The following SGCD variants were observed in gnomAD, a reference collection of about 807,000 sequenced individuals.
SGCD encodes the protein delta-sarcoglycan.
In SGCD, 18 loss-of-function variants were observed where a neutral mutation model predicts 36.6. The observed-to-expected ratio is 0.49, with a 90% CI of 0.34 to 0.73. SGCD has a LOEUF of 0.73. Among genes scored for constraint, SGCD ranks in the 30% least tolerant of loss-of-function variants. The probability of loss-of-function intolerance (pLI) is 0.01; values close to 1 mark genes in which losing one functional copy is unlikely to be tolerated. For synonymous variants in SGCD, 133 were observed against 130.6 expected, an observed-to-expected ratio of 1.02 and a Z score of -0.12; for missense variants, 387 against 346.7, an observed-to-expected ratio of 1.12 and a Z score of -0.92.
chr5:155,816,434 G>A, the SGCD span, among the ~76,000 whole-genome samples: 8 of 152,170 alleles, frequency 5.3e-5, no homozygotes, highest in Non-Finnish European at 1.0e-4. Context: ...TTATTAAGTG[G>A]CAGTGTATCA....
At chr5:156,035,500 C>G (rs547894302) in intron 1 of SGCD, among the ~76,000 whole-genome samples, 3 of 152,196 alleles carry the variant, frequency 2.0e-5, no homozygotes, top group African/African-American at 7.2e-5. Context: ...TTTGCAGTTA[C>G]TCAGGAGGCT....
chr5:156,176,282 G>A (rs1380037584), intron 3 of SGCD, among the ~76,000 whole-genome samples: 1 of 152,012 alleles, frequency 6.6e-6, no homozygotes, highest in Non-Finnish European at 1.5e-5. Context: ...ATTTTAATAT[G>A]CCAGAGTCAA....
chr5:156,364,573 C>T (rs1769989376), intron 3 of SGCD, among the ~76,000 whole-genome samples: 1 of 152,154 alleles, frequency 6.6e-6, no homozygotes, highest in Admixed American at 6.5e-5. Flanking sequence ...GTGTGACTTT[C>T]AAGGAATCTT....
chr5:156,350,573 A>G (rs1769201185), intron 3 of SGCD, among the ~76,000 whole-genome samples: 1 of 152,064 alleles, frequency 6.6e-6, no homozygotes, highest in Non-Finnish European at 1.5e-5. Context: ...TCTTTGTCTC[A>G]GAGGTAAATC....
chr5:156,337,172 A>G lies in SGCD; in HGVS notation c.4-7317A>G, dbSNP rs76706215. Among the ~76,000 whole-genome samples, 382 of 152,338 alleles carry G rather than the reference A, an allele frequency of 2.5e-3. 1 individual carries two copies. The highest frequency in any genetic ancestry group is 8.4e-3 in the African/African-American group (348 of 41,580). On this transcript the variant is annotated intron_variant, in intron 2 of 8. Coordinates refer to ENST00000337851, the MANE Select transcript of SGCD (RefSeq NM_000337.6). ...AATGGATTTCTATTTCTGTACCAGGATGATTCAAAATGGCTTAGATTCCAC... is the reference window on the plus strand; with the variant it reads ...AATGGATTTCTATTTCTGTACCAGGGTGATTCAAAATGGCTTAGATTCCAC...
At chr5:156,361,799 T>C (rs763337064) in intron 3 of SGCD, among the ~76,000 whole-genome samples, 5 of 152,210 alleles carry the variant, frequency 3.3e-5, no homozygotes, top group Non-Finnish European at 1.5e-5. Flanking sequence ...CTATAGCTAT[T>C]CTGGTGCATG....
intron 3 of SGCD, among the ~76,000 whole-genome samples, chr5:156,472,191 T>C (rs535878470): frequency 3.9e-5 from 6 of 152,300 alleles, no homozygotes; most frequent in Admixed American, 2.6e-4. Flanking sequence ...TGGAGAATTG[T>C]TTGGAATTTT....
chr5:156,203,005 C>T (rs948894845), intron 3 of SGCD, among the ~76,000 whole-genome samples: 1 of 152,078 alleles, frequency 6.6e-6, no homozygotes, highest in African/African-American at 2.4e-5. Flanking sequence ...CTTTGATATA[C>T]TTACATGCCT....
the SGCD span, among the ~76,000 whole-genome samples, chr5:155,738,868 T>C: frequency 7.0e-6 from 1 of 142,626 alleles, no homozygotes; most frequent in African/African-American, 2.7e-5. Context: ...AGTGTGTGAG[T>C]GCGTGTGAGA....
chr5:156,524,287 T>TTTTA lies in SGCD; in HGVS notation c.294+15586_294+15587insTTAT, dbSNP rs1554112235. 1.4e-3 allele frequency among the ~76,000 whole-genome samples: 176 copies of TTTTA among 130,168 alleles called. 3 individuals are homozygous for TTTTA. In the South Asian group the frequency reaches 0.016, roughly 12 times the overall value. 85.4% of individuals were successfully genotyped at this position (130,168 alleles called of 152,430 possible). The stretch of plus-strand genomic sequence containing the variant: ...AGTTTATATATAGTAATATATATAG[T>TTTTA]TATATATATATATATATATCATCAT... On this transcript the variant is annotated intron_variant, in intron 4 of 8. Coordinates refer to ENST00000337851, the MANE Select transcript of SGCD (RefSeq NM_000337.6).
At chr5:156,391,010 T>C (rs2127754682) in intron 3 of SGCD, among the ~76,000 whole-genome samples, 1 of 152,288 alleles carries the variant, frequency 6.6e-6, no homozygotes. Context: ...TGTTCAGCAA[T>C]ATCCTAGGCT....
intron 1 of SGCD, among the ~76,000 whole-genome samples, chr5:156,032,587 AGGCGCC>A (rs1759373015): frequency 6.6e-6 from 1 of 151,400 alleles, no homozygotes; most frequent in African/African-American, 2.4e-5. Context: ...GCGTGGTGGC[AGGCGCC>A]GGTATTCTCA....
intron 1 of SGCD, among the ~76,000 whole-genome samples, chr5:155,967,847 C>G (rs1757933199): frequency 1.3e-5 from 2 of 152,044 alleles, no homozygotes; most frequent in African/African-American, 4.8e-5. Flanking sequence ...ACAGAGACAC[C>G]TCAAGAAGGA....
intron 1 of SGCD, among the ~76,000 whole-genome samples, chr5:155,977,160 C>G (rs917218211): frequency 6.6e-6 from 1 of 152,216 alleles, no homozygotes; most frequent in Non-Finnish European, 1.5e-5. Flanking sequence ...AGCACCTCAT[C>G]ATTGCCCTGG....
the SGCD span, among the ~76,000 whole-genome samples, chr5:155,772,909 A>C: frequency 2.0e-5 from 3 of 152,170 alleles, no homozygotes; most frequent in Non-Finnish European, 4.4e-5. Flanking sequence ...ACGTAAATCA[A>C]GTCAACAGTT....
chr5:156,695,468 T>C (rs2113715426), intron 7 of SGCD, among the ~76,000 whole-genome samples: 1 of 151,602 alleles, frequency 6.6e-6, no homozygotes, highest in South Asian at 2.1e-4. Context: ...CTCCTTAAAA[T>C]AAATCAACCT....
At chr5:156,260,185 T>C (rs1765822387) in intron 3 of SGCD, among the ~76,000 whole-genome samples, 1 of 152,216 alleles carries the variant, frequency 6.6e-6, no homozygotes, top group Admixed American at 6.5e-5. Flanking sequence ...TAAAATAGCA[T>C]ATGTCCTCTA....
chr5:156,131,069 T>C (rs1762309735), intron 3 of SGCD, among the ~76,000 whole-genome samples: 1 of 152,212 alleles, frequency 6.6e-6, no homozygotes, highest in African/African-American at 2.4e-5. Flanking sequence ...GACATTAAAG[T>C]TAATAGCAAA....
At position 156,387,014 on chromosome 5, in the gene SGCD, A is replaced by G. The variant is rs201474990; in HGVS notation, c.192+42337A>G. ...ATGAACAGTCAGGAATGAACATTTC[A>G]GAATGCCTAATGGATTCTGAAATCG... On this transcript the variant is annotated intron_variant, in intron 3 of 8. Transcript: ENST00000337851. Among the ~76,000 whole-genome samples, 7 of 152,334 alleles carry G rather than the reference A, an allele frequency of 4.6e-5. No homozygotes were observed. In the East Asian group the frequency reaches 1.2e-3, roughly 25 times the overall value.
Sources: allele counts gnomAD v4.1 joint callset (sites outside exome capture counted in the v4.1 genomes callset), GRCh38; gene constraint gnomAD v4.1.1; transcripts MANE v1.5; gene names NCBI Gene and HGNC (gene_info 2026-07-23, HGNC 2026-07-21).